Variants in SAMSN1 observed in about 807,000 individuals in gnomAD.
SAMSN1 encodes SAM domain, SH3 domain and nuclear localization signals 1, also known as SAM domain-containing protein SAMSN-1.
A neutral mutation model predicts 42.0 loss-of-function variants in SAMSN1; 31 were observed. The observed-to-expected ratio is 0.74, with a 90% CI of 0.55 to 1.00. The LOEUF is 1.00. Ranked by LOEUF, SAMSN1 falls within the 50% of genes least tolerant of loss-of-function variation. The pLI is 0.00. For missense variants in SAMSN1, 464 were observed against 439.4 expected (o/e 1.06, Z -0.50); for synonymous variants, 178 against 151.9 (o/e 1.17, Z -1.26).
chr21:14,609,559 G>GT lies in SAMSN1; in HGVS notation c.244dup (p.Thr82AsnfsTer4), dbSNP rs1982652936. 2 of 717,842 alleles carry GT rather than the reference G, an allele frequency of 2.8e-6. No homozygotes were observed. The highest frequency in any genetic ancestry group is 3.5e-5 in the African/African-American group (2 of 57,236). The allele number at this position is 717,842 out of a possible 1,614,324, so 44.5% of individuals were successfully genotyped here. On this transcript the variant is annotated frameshift_variant, in exon 5 of 16. Transcript: ENST00000647101. LOFTEE classifies it high-confidence loss of function. Reference sequence around the variant, plus strand: ...TTCCTGCCAGATTTTGTCATTCACAGTTTTTCCTTCTAAAGTGAAGCAGAT... The same window carrying GT: ...TTCCTGCCAGATTTTGTCATTCACAGTTTTTTCCTTCTAAAGTGAAGCAGAT...
intron 2 of SAMSN1, among the ~76,000 whole-genome samples, chr21:14,518,345 A>G (rs1988010812): frequency 6.6e-6 from 1 of 152,124 alleles, no homozygotes; most frequent in Admixed American, 6.6e-5. Flanking sequence ...GAGACTTGAG[A>G]CTTTGTCTGT....
intron 5 of SAMSN1, among the ~76,000 whole-genome samples, chr21:14,609,239 C>T (rs1982641627): frequency 6.6e-6 from 1 of 152,160 alleles, no homozygotes; most frequent in South Asian, 2.1e-4. Context: ...GGCAACTTAA[C>T]CAGATTCCAC....
chr21:14,613,012 A>G, intron 3 of SAMSN1: 1 of 572,946 alleles, frequency 1.7e-6, no homozygotes, highest in Non-Finnish European at 3.2e-6. Flanking sequence ...GGGAACAGAA[A>G]TAAATTCTAC....
upstream of SAMSN1, chr21:14,585,635 TA>T (rs1419566033): frequency 6.6e-6 from 1 of 152,240 alleles, no homozygotes; most frequent in Non-Finnish European, 1.5e-5. Flanking sequence ...ATGATATTGT[TA>T]ATTTTTGTAT....
intron 2 of SAMSN1, among the ~76,000 whole-genome samples, chr21:14,574,467 C>T (rs753289307): frequency 6.6e-6 from 1 of 152,004 alleles, no homozygotes; most frequent in Non-Finnish European, 1.5e-5. Flanking sequence ...GGAGCAAAAT[C>T]CTTAGGGTAA....
At chr21:14,642,614 T>C (rs1983622469) in intron 2 of SAMSN1, among the ~76,000 whole-genome samples, 1 of 152,204 alleles carries the variant, frequency 6.6e-6, no homozygotes. Context: ...CACCACCTGA[T>C]TTGCCAGAAA....
upstream of SAMSN1, among the ~76,000 whole-genome samples, chr21:14,585,144 A>G (rs144496885): frequency 1.8e-3 from 270 of 152,352 alleles, 1 homozygote; most frequent in African/African-American, 6.2e-3. Flanking sequence ...TCCAAAGGCC[A>G]TGCTCTGCTC....
intron 2 of SAMSN1, among the ~76,000 whole-genome samples, chr21:14,620,765 T>C (rs1262624763): frequency 1.3e-5 from 2 of 152,208 alleles, no homozygotes; most frequent in Non-Finnish European, 2.9e-5. Flanking sequence ...ACACTGGAGA[T>C]ACATATAGAT....
chr21:14,564,682 G>C (rs1981053143), intron 2 of SAMSN1, among the ~76,000 whole-genome samples: 1 of 152,166 alleles, frequency 6.6e-6, no homozygotes, highest in Admixed American at 6.5e-5. Context: ...TATAGTCAAA[G>C]AAGATCGCCT....
intron 7 of SAMSN1, among the ~76,000 whole-genome samples, chr21:14,493,799 G>A (rs779731041): frequency 1.3e-5 from 2 of 152,166 alleles, no homozygotes; most frequent in Non-Finnish European, 2.9e-5. Context: ...TAGATTCCCA[G>A]TTGAGGGAAC....
intron 5 of SAMSN1, among the ~76,000 whole-genome samples, chr21:14,604,265 C>G (rs1982510166): frequency 6.6e-6 from 1 of 152,186 alleles, no homozygotes; most frequent in Non-Finnish European, 1.5e-5. Flanking sequence ...AACCATGCCT[C>G]CCATTCCGTG....
chr21:14,630,837 A>G (rs7276028), intron 2 of SAMSN1, among the ~76,000 whole-genome samples: 7,308 of 152,210 alleles, frequency 0.048, 565 homozygotes, highest in African/African-American at 0.16. Flanking sequence ...TTTAGTGTCT[A>G]TGTTATTAAT....
intron 1 of SAMSN1, among the ~76,000 whole-genome samples, chr21:14,649,289 G>A (rs940513557): frequency 3.1e-5 from 4 of 127,930 alleles, no homozygotes; most frequent in Non-Finnish European, 4.9e-5. Context: ...GGGGGAGGGG[G>A]GGAGGGATAG....
upstream of SAMSN1, among the ~76,000 whole-genome samples, chr21:14,549,969 A>G (rs1980546733): frequency 6.6e-6 from 1 of 152,096 alleles, no homozygotes; most frequent in South Asian, 2.1e-4. Context: ...TCCTGAAATA[A>G]GTACACATTG....
At chr21:14,579,401 A>C (rs1211539275) in intron 2 of SAMSN1, among the ~76,000 whole-genome samples, 2 of 152,202 alleles carry the variant, frequency 1.3e-5, no homozygotes, top group Non-Finnish European at 2.9e-5. Flanking sequence ...GTATTTCCCT[A>C]CACCTACACA....
intron 2 of SAMSN1, among the ~76,000 whole-genome samples, chr21:14,566,164 A>G (rs1419856134): frequency 6.6e-6 from 1 of 152,186 alleles, no homozygotes; most frequent in Non-Finnish European, 1.5e-5. Flanking sequence ...GTCAAAGGAG[A>G]CTTTTCTCCA....
chr21:14,541,698 A>G (rs1456483956), intron 1 of SAMSN1, among the ~76,000 whole-genome samples: 2 of 152,208 alleles, frequency 1.3e-5, no homozygotes, highest in East Asian at 1.9e-4. Flanking sequence ...AGAGTCTACT[A>G]CGTTGAAAGT....
chr21:14,560,325 G>T (rs115937166), intron 2 of SAMSN1, among the ~76,000 whole-genome samples: 244 of 152,268 alleles, frequency 1.6e-3, no homozygotes, highest in African/African-American at 5.2e-3. Flanking sequence ...ATCTTTGCAA[G>T]ATTATGGCAG....
rs561256363 is a variant in SAMSN1 at position 14,626,489 on chromosome 21, C to T, written c.157-10473G>A. Among the ~76,000 whole-genome samples the T allele has an allele frequency of 1.1e-4, 16 of 152,286 alleles. No homozygotes were observed. In the East Asian group the frequency reaches 3.1e-3, roughly 29 times the overall value. On this transcript the variant is annotated intron_variant, in intron 2 of 15. Coordinates refer to the SAMSN1 transcript ENST00000647101. ...ACAAAGGATATGAACAGACACTTCT[C>T]AAAAGAAGACATTTATGCAGCCAAA...
Sources: allele counts gnomAD v4.1 joint callset (sites outside exome capture counted in the v4.1 genomes callset), GRCh38; gene constraint gnomAD v4.1.1; transcripts MANE v1.5; gene names NCBI Gene and HGNC (gene_info 2026-07-23, HGNC 2026-07-21).